The following COX10 variants were observed in gnomAD, a reference collection of about 807,000 sequenced individuals.
COX10 encodes cytochrome c oxidase assembly factor heme A:farnesyltransferase COX10, also known as protoheme IX farnesyltransferase, mitochondrial.
COX10 carries 27 observed loss-of-function variants against 37.3 expected under a neutral mutation model. That is an observed-to-expected ratio of 0.72 (90% CI 0.53 to 1.00). COX10 has a LOEUF of 1.00. Among genes scored for constraint, COX10 ranks in the 50% least tolerant of loss-of-function variants. The pLI, the probability that COX10 is intolerant of heterozygous loss-of-function variation, is 0.00. For missense variants in COX10, 475 were observed against 563.2 expected (o/e 0.84, Z 1.59); for synonymous variants, 222 against 229.1 (o/e 0.97, Z 0.28).
chr17:14,130,434 A>G (rs1363419127), intron 4 of COX10, among the ~76,000 whole-genome samples: 1 of 152,148 alleles, frequency 6.6e-6, no homozygotes, highest in African/African-American at 2.4e-5. Flanking sequence ...CAAATAATAC[A>G]TATAATAATG....
intron 5 of COX10, among the ~76,000 whole-genome samples, chr17:14,175,201 C>CT (rs72182244): frequency 0.1 from 14,112 of 140,674 alleles, 1,016 homozygotes; most frequent in African/African-American, 0.2. Context: ...CTATGTTTAC[C>CT]TTTTTTTTTT....
At chr17:14,156,384 C>T (rs561673947) in intron 4 of COX10, among the ~76,000 whole-genome samples, 5 of 152,216 alleles carry the variant, frequency 3.3e-5, no homozygotes, top group African/African-American at 7.2e-5. Context: ...CACCCGCCAC[C>T]GCGCCCGGCT....
At chr17:14,136,803 C>T (rs1312698562) in intron 4 of COX10, among the ~76,000 whole-genome samples, 2 of 151,976 alleles carry the variant, frequency 1.3e-5, no homozygotes, top group Non-Finnish European at 2.9e-5. Flanking sequence ...TAATTGCCTC[C>T]TCTAAAATCA....
chr17:14,170,320 G>GT (rs1041087662), intron 5 of COX10, among the ~76,000 whole-genome samples: 16 of 152,072 alleles, frequency 1.1e-4, no homozygotes, highest in Admixed American at 5.2e-4. Flanking sequence ...GTATTATCCA[G>GT]TTTTTTTAAC....
chr17:14,072,378 G>A (rs1267314545), intron 1 of COX10, among the ~76,000 whole-genome samples: 5 of 152,112 alleles, frequency 3.3e-5, no homozygotes, highest in Middle Eastern at 3.4e-3. Flanking sequence ...CCACCACCAC[G>A]GCCGGCTAAG....
At chr17:14,163,627 C>T (rs1905215949) in intron 5 of COX10, among the ~76,000 whole-genome samples, 1 of 152,060 alleles carries the variant, frequency 6.6e-6, no homozygotes, top group Non-Finnish European at 1.5e-5. Flanking sequence ...AGATCAGAAC[C>T]ACATTGAAAA....
chr17:14,181,721 T>C (rs1036927601), intron 5 of COX10, among the ~76,000 whole-genome samples: 3 of 152,136 alleles, frequency 2.0e-5, no homozygotes, highest in Non-Finnish European at 4.4e-5. Flanking sequence ...TTGGGTGTTA[T>C]GGGATCCAGG....
At chr17:14,114,203 A>T (rs1453963683) in intron 4 of COX10, among the ~76,000 whole-genome samples, 1 of 152,130 alleles carries the variant, frequency 6.6e-6, no homozygotes, top group East Asian at 1.9e-4. Context: ...TCACACGTAC[A>T]TTAAGTATGG....
intron 5 of COX10, among the ~76,000 whole-genome samples, chr17:14,163,742 G>A (rs1210889996): frequency 6.6e-6 from 1 of 152,070 alleles, no homozygotes; most frequent in Non-Finnish European, 1.5e-5. Context: ...TGTGAAAGTC[G>A]GCCTGCTCTA....
chr17:14,106,378 C>T (rs2142203163), intron 4 of COX10, among the ~76,000 whole-genome samples: 1 of 152,252 alleles, frequency 6.6e-6, no homozygotes, highest in East Asian at 1.9e-4. Flanking sequence ...TCAGTTTCTC[C>T]TTATTCGACA....
At position 14,076,878 on chromosome 17, in the gene COX10, A is replaced by G. The variant is rs1405019605; in HGVS notation, c.321A>G (p.Leu107=). Residue 107 remains leucine, a synonymous_variant, in exon 3 of 7, where the codon CTA becomes CTG. Transcript: ENST00000261643. Reference sequence around the variant, plus strand: ...TGAGACCTCTCTCACCGCCCAGCCTATCTTTGTCCAGAAAGCCAAATGAAA... The same window carrying G: ...TGAGACCTCTCTCACCGCCCAGCCTGTCTTTGTCCAGAAAGCCAAATGAAA... ...YEMRPLSPPS[L]SLSRKPNEKE... 2.1e-5 allele frequency: 34 copies of G among 1,614,194 alleles called. No individual in the cohort carries two copies. The highest frequency in any genetic ancestry group is 2.8e-5 in the Non-Finnish European group (33 of 1,180,032).
intron 5 of COX10, chr17:14,177,394 G>A: frequency 2.3e-6 from 1 of 441,018 alleles, no homozygotes; most frequent in Non-Finnish European, 4.0e-6. Context: ...ATCATGTTTG[G>A]GAAAATACTG....
At chr17:14,193,217 C>T (rs1906263286) in intron 6 of COX10, among the ~76,000 whole-genome samples, 1 of 152,218 alleles carries the variant, frequency 6.6e-6, no homozygotes, top group African/African-American at 2.4e-5. Flanking sequence ...GGCGGCGCTG[C>T]CTGGATGGGG....
intron 5 of COX10, among the ~76,000 whole-genome samples, chr17:14,191,337 G>A (rs959381504): frequency 3.4e-5 from 5 of 147,938 alleles, no homozygotes; most frequent in African/African-American, 1.2e-4. Context: ...TCACGTTACA[G>A]CACTGGTACT....
rs117420277 is a variant in COX10, at chr17:14,125,241, C to T, written c.624+22999C>T. Among the ~76,000 whole-genome samples the T allele has an allele frequency of 1.1e-4, 16 of 152,292 alleles. No homozygotes were observed. The East Asian group carries it at 3.1e-3, about 29-fold the overall frequency. On this transcript the variant is annotated intron_variant, in intron 4 of 6. Coordinates refer to ENST00000261643, the MANE Select transcript of COX10 (RefSeq NM_001303.4). ...CTGAAAATAGAAGGCTCTACTGCTA[C>T]AGCTGATAGGAAGCGACAGCATGCC...
chr17:14,097,942 A>G (rs1044976422), intron 3 of COX10, among the ~76,000 whole-genome samples: 2 of 152,146 alleles, frequency 1.3e-5, no homozygotes, highest in African/African-American at 4.8e-5. Context: ...TAATTGTCGT[A>G]CTGTATTGTT....
chr17:14,105,905 G>A (rs1223104408), intron 4 of COX10, among the ~76,000 whole-genome samples: 2 of 151,782 alleles, frequency 1.3e-5, no homozygotes, highest in Admixed American at 6.6e-5. Context: ...ATTTAACATG[G>A]ATATCTTCAC....
At chr17:14,136,011 G>T (rs1904350110) in intron 4 of COX10, among the ~76,000 whole-genome samples, 1 of 151,994 alleles carries the variant, frequency 6.6e-6, no homozygotes, top group East Asian at 1.9e-4. Context: ...GTAAGTTGGG[G>T]ATTAGAGACG....
chr17:14,080,585 G>T (rs1915272791), intron 3 of COX10, among the ~76,000 whole-genome samples: 1 of 152,120 alleles, frequency 6.6e-6, no homozygotes, highest in African/African-American at 2.4e-5. Flanking sequence ...TCGCCAATTT[G>T]ATCATTGAAA....
Sources: gnomAD v4.1 joint callset for allele counts (sites outside exome capture counted in the v4.1 genomes callset) on GRCh38, gnomAD v4.1.1 for gene constraint, MANE v1.5 for transcripts, NCBI Gene and HGNC (gene_info 2026-07-23, HGNC 2026-07-21) for gene names.